Variants in MGAM observed in about 807,000 individuals in gnomAD.
MGAM encodes alpha-1,4-glucosidase.
Under a neutral mutation model 358.8 loss-of-function variants are expected in MGAM, and 253 were observed. The observed-to-expected ratio is 0.71, with a 90% CI of 0.64 to 0.78. The LOEUF is 0.78. MGAM is among the 30% of genes least tolerant of loss of function. The pLI is 0.00. For synonymous variants in MGAM, 1,105 were observed against 1,227.1 expected, an observed-to-expected ratio of 0.90 and a Z score of 2.08; for missense variants, 3,080 against 3,432.6, an observed-to-expected ratio of 0.90 and a Z score of 2.57.
Position 142,070,556 on chromosome 7 carries a change from G to C in MGAM, c.5062-438G>C, listed in dbSNP as rs906113996. 4.8e-5 allele frequency among the ~76,000 whole-genome samples: 7 copies of C among 146,012 alleles called. 1 individual carries two copies. The highest frequency in any genetic ancestry group is 9.7e-5 in the African/African-American group (4 of 41,028). On this transcript the variant is annotated intron_variant, in intron 43 of 70. Transcript: ENST00000475668. The stretch of plus-strand genomic sequence containing the variant: ...GTCACAACAGGCTGGGGGTGAGGAG[G>C]CTATGCGGCTGACATCTGAGGATTC...
intron 22 of MGAM, among the ~76,000 whole-genome samples, chr7:142,049,797 T>G (rs1464291266): frequency 1.3e-5 from 2 of 152,130 alleles, no homozygotes; most frequent in African/African-American, 4.8e-5. Context: ...AGATAAGAGA[T>G]AAGTGCTGGC....
rs577401200 is a variant in MGAM, at chr7:142,061,053, C to A, written c.4122+680C>A. Among the ~76,000 whole-genome samples the A allele has an allele frequency of 1.0e-3, 156 of 152,270 alleles. 1 individual carries two copies. The highest frequency in any genetic ancestry group is 3.6e-3 in the African/African-American group (148 of 41,540). On this transcript the variant is annotated intron_variant, in intron 34 of 70. Transcript: ENST00000475668. Reference sequence around the variant, plus strand: ...TAAGCATTTCTTGCTTGAATGAATACATGGCTCCTTACAGGAGAGTGGAGA... The same window carrying A: ...TAAGCATTTCTTGCTTGAATGAATAAATGGCTCCTTACAGGAGAGTGGAGA...
intron 32 of MGAM, 87 bp downstream of exon 32, chr7:142,059,687 C>T (rs1394839313): frequency 1.3e-6 from 2 of 1,587,438 alleles, no homozygotes; most frequent in Non-Finnish European, 1.7e-6. Flanking sequence ...TTCCATGTTG[C>T]AAGTAGATAA....
At chr7:142,036,068 A>G in intron 16 of MGAM, 101 bp from the exon 17 acceptor site, 1 of 815,638 alleles carries the variant, frequency 1.2e-6, no homozygotes, top group Non-Finnish European at 2.0e-6. Flanking sequence ...CCTTCTCGGT[A>G]GGAGGTTTAA....
intron 66 of MGAM, 42 bp downstream of exon 66, chr7:142,097,691 G>A: frequency 6.4e-7 from 1 of 1,559,634 alleles, no homozygotes; most frequent in Non-Finnish European, 8.8e-7. Context: ...GAAAATGGTA[G>A]AGAGTACAAA....
intron 68 of MGAM, 119 bp from the exon 69 acceptor site, chr7:142,102,511 G>A (rs1198015717): frequency 4.5e-5 from 42 of 938,074 alleles, no homozygotes; most frequent in Non-Finnish European, 6.5e-5. Context: ...TAAAAACAAA[G>A]ATAAGCCTTA....
chr7:142,084,012 GC>G (rs1194866182), intron 53 of MGAM, among the ~76,000 whole-genome samples: 6 of 145,872 alleles, frequency 4.1e-5, no homozygotes, highest in African/African-American at 1.5e-4. Flanking sequence ...TGTTGTGGCA[GC>G]AGCAGCAAAC....
chr7:142,085,712 G>A lies in MGAM; in HGVS notation c.6508-121G>A, dbSNP rs541214910. ...CTGTACCTAACAAATGGCAGAGCTCGGACTTGAAAGCATCAACAAGAAGCT... is the reference window on the plus strand; with the variant it reads ...CTGTACCTAACAAATGGCAGAGCTCAGACTTGAAAGCATCAACAAGAAGCT... On this transcript the variant is annotated intron_variant, in intron 54 of 70. Transcript: ENST00000475668. 1.2e-4 allele frequency: 157 copies of A among 1,284,768 alleles called. 21 individuals are homozygous for A. Among genetic ancestry groups the A allele is most frequent in the African/African-American group, 1.3e-4 (9 of 69,572 alleles). The allele number at this position is 1,284,768 out of a possible 1,614,324, so 79.6% of individuals were successfully genotyped here.
chr7:142,042,674 A>G (rs1254326461), intron 21 of MGAM, among the ~76,000 whole-genome samples: 2 of 28,528 alleles, frequency 7.0e-5, no homozygotes, highest in Non-Finnish European at 1.2e-4. Flanking sequence ...TATTATATAT[A>G]ATATATAATA....
chr7:142,054,886 C>T lies in MGAM; in HGVS notation c.3292C>T (p.Arg1098Trp), dbSNP rs199990294. The change falls in exon 27 of 71, where the codon CGG (arginine) becomes TGG (tryptophan). Residue 1098 changes from arginine (R) to tryptophan (W), a missense_variant. By Grantham distance (101) the Arg-to-Trp change is moderately radical. Around this residue, in one of 5 missense-constraint regions of MGAM, gnomAD observed 1,816 missense variants for 1,840.5 expected, o/e 0.99. Transcript: ENST00000475668. Reference protein sequence around the residue: ...KKNPFGIEIRRKSTGTIIWDS... With the variant: ...KKNPFGIEIRWKSTGTIIWDS... ...GAATCCATTTGGGATTGAAATTCGC[C>T]GGAAGAGTACAGGCACTATAATGTG... 3.9e-4 allele frequency: 635 copies of T among 1,613,790 alleles called. 4 individuals carry two copies. The highest frequency in any genetic ancestry group is 3.1e-5 in the Non-Finnish European group (36 of 1,179,788).
intron 11 of MGAM, 36 bp downstream of exon 11, chr7:142,030,529 T>C: frequency 6.2e-7 from 1 of 1,612,690 alleles, no homozygotes; most frequent in South Asian, 1.1e-5. Context: ...ATTAGGTATT[T>C]GCTCCTCCGT....
rs865969691 is a variant in MGAM at position 142,076,649 on chromosome 7, T to C, written c.5326-10T>C. On this transcript the variant is annotated splice_polypyrimidine_tract_variant and intron_variant, in intron 46 of 70. Transcript: ENST00000475668. ...ACCTTTATGCATAATTGGAGTTAAT[T>C]GTTTTGCAGAACCACTTGGAGGTGA... 5.2e-6 allele frequency: 8 copies of C among 1,524,642 alleles called. 1 individual carries two copies. The highest frequency in any genetic ancestry group is 1.7e-4 in the Middle Eastern group (1 of 5,898). 94.4% of individuals were successfully genotyped at this position (1,524,642 alleles called of 1,614,324 possible). A position where few individuals can be genotyped will look rare whatever the true frequency, so the allele number is the denominator to read the frequency against.
intron 22 of MGAM, among the ~76,000 whole-genome samples, chr7:142,048,520 T>TTTTTTTTTTTTTTTTTTTTTTTTTTTGAG (rs1563163870): frequency 5.7e-4 from 86 of 151,424 alleles, no homozygotes; most frequent in Non-Finnish European, 9.7e-4. Context: ...AACCCAATGT[T>TTTTTTTTTTTTTTTTTTTTTTTTTTTGAG]AATGTCTTCC....
chr7:142,050,957 C>G (rs941739936), intron 24 of MGAM, 93 bp downstream of exon 24: 17 of 1,552,346 alleles, frequency 1.1e-5, no homozygotes, highest in Non-Finnish European at 1.2e-5. Context: ...CCCTGAAGGA[C>G]CAGGGCACCT....
intron 48 of MGAM, 94 bp from the exon 49 acceptor site, chr7:142,078,714 T>C: frequency 7.9e-7 from 1 of 1,271,594 alleles, no homozygotes; most frequent in Non-Finnish European, 1.1e-6. Flanking sequence ...GCTGGTTTTA[T>C]TGTCATATAA....
Position 142,005,609 on chromosome 7 carries a change from A to C in MGAM, c.79A>C (p.Ser27Arg). 1 of 1,593,552 alleles carries C rather than the reference A, an allele frequency of 6.3e-7. No individual in the cohort carries two copies. The highest frequency in any genetic ancestry group is 8.5e-7 in the Non-Finnish European group (1 of 1,169,846). ...SVLLLVLFII[S>R]IVLIVLLAKE... ...TCTTCTGCTTGTGTTGTTTATCATCAGTATTGTTCTAATTGTGCTTTTAGC... is the reference window on the plus strand; with the variant it reads ...TCTTCTGCTTGTGTTGTTTATCATCCGTATTGTTCTAATTGTGCTTTTAGC... Residue 27 changes from serine to arginine, a missense_variant, in exon 2 of 71, where the codon AGT (serine) becomes CGT (arginine). This residue lies in a region of MGAM where 1,816 missense variants were observed against 1,840.5 expected (regional missense o/e 0.99). Coordinates refer to ENST00000475668, the MANE Select transcript of MGAM (RefSeq NM_001365693.1).
intron 16 of MGAM, 21 bp downstream of exon 16, chr7:142,034,862 C>T (rs1554465295): frequency 6.3e-7 from 1 of 1,595,292 alleles, no homozygotes. Context: ...ACCTCAAGCT[C>T]TCTTATGAAC....
At chr7:142,063,638 A>G in intron 36 of MGAM, 52 bp downstream of exon 36, 1 of 1,587,856 alleles carries the variant, frequency 6.3e-7, no homozygotes, top group South Asian at 1.1e-5. Context: ...GAAGGATTAC[A>G]CTGGAGGAGC....
At chr7:142,099,998 G>C (rs1203910083) in intron 67 of MGAM, among the ~76,000 whole-genome samples, 1 of 152,160 alleles carries the variant, frequency 6.6e-6, no homozygotes, top group Admixed American at 6.5e-5. Context: ...TGAAATGGAA[G>C]TCAAAATAGG....
Sources: gnomAD v4.1 joint callset for allele counts (sites outside exome capture counted in the v4.1 genomes callset) on GRCh38, gnomAD v4.1.1 for gene constraint, gnomAD v4.1.1 regional missense constraint, MANE v1.5 for transcripts, NCBI Gene and HGNC (gene_info 2026-07-23, HGNC 2026-07-21) for gene names.